The following DPP10 variants were observed in gnomAD, a reference collection of about 807,000 sequenced individuals.
DPP10 encodes the protein inactive dipeptidyl peptidase 10.
DPP10 carries 33 observed loss-of-function variants against 120.9 expected under a neutral mutation model. That is an observed-to-expected ratio of 0.27 (90% confidence interval 0.21 to 0.37). DPP10 has a LOEUF of 0.37. Ranked by LOEUF, DPP10 falls within the 10% of genes least tolerant of loss-of-function variation. The pLI is 1.00. For synonymous variants in DPP10, 337 were observed against 326.1 expected (o/e 1.03, Z -0.36); for missense variants, 816 against 942.8 (o/e 0.87, Z 1.76).
At chr2:115,803,038 G>T (rs1161386533) in intron 19 of DPP10, among the ~76,000 whole-genome samples, 2 of 152,182 alleles carry the variant, frequency 1.3e-5, no homozygotes, top group African/African-American at 4.8e-5. Flanking sequence ...GGCTGTTAAA[G>T]TGTCCCATTA....
chr2:114,815,437 C>T (rs1343381697), intron 1 of DPP10, among the ~76,000 whole-genome samples: 1 of 152,124 alleles, frequency 6.6e-6, no homozygotes, highest in Non-Finnish European at 1.5e-5. Context: ...CTGAAACTTT[C>T]CAGAAACATC....
Position 115,384,706 on chromosome 2 carries a change from GA to G in DPP10, c.271+40797del, listed in dbSNP as rs869137170. ...GAGGAAGAAGAAGAAAAAGAAAGAA[GA>G]AAGAAGAAGAAGAAGAAGAAGAAGA... On this transcript the variant is annotated intron_variant, in intron 3 of 25. Coordinates refer to ENST00000410059, the MANE Select transcript of DPP10 (RefSeq NM_020868.6). Among the ~76,000 whole-genome samples, 652 of 118,404 alleles carry G rather than the reference GA, an allele frequency of 5.5e-3. 4 individuals are homozygous for G. The highest frequency in any genetic ancestry group is 0.024 in the African/African-American group (631 of 25,822). 77.7% of individuals were successfully genotyped at this position (118,404 alleles called of 152,430 possible).
intron 4 of DPP10, among the ~76,000 whole-genome samples, chr2:115,522,093 GT>G (rs2077845986): frequency 6.6e-6 from 1 of 152,036 alleles, no homozygotes; most frequent in Non-Finnish European, 1.5e-5. Context: ...GAAATTATAA[GT>G]TAAATTTTGC....
At chr2:115,296,294 C>T (rs939229183) in intron 1 of DPP10, among the ~76,000 whole-genome samples, 16 of 152,022 alleles carry the variant, frequency 1.1e-4, no homozygotes, top group South Asian at 2.1e-4. Context: ...TGTTACCAGG[C>T]GCAAATTAGT....
intron 3 of DPP10, among the ~76,000 whole-genome samples, chr2:115,446,129 G>A (rs147818708): frequency 1.8e-4 from 28 of 152,352 alleles, no homozygotes; most frequent in Non-Finnish European, 3.2e-4. Flanking sequence ...TTCAGAGGGT[G>A]CAAGCGCCAA....
intron 3 of DPP10, among the ~76,000 whole-genome samples, chr2:115,423,383 A>C (rs1325187209): frequency 6.6e-6 from 1 of 152,166 alleles, no homozygotes; most frequent in Non-Finnish European, 1.5e-5. Context: ...TTATTTAAGG[A>C]AGTAGCATAA....
At chr2:114,725,730 A>G (rs981384938) in intron 1 of DPP10, among the ~76,000 whole-genome samples, 3 of 152,214 alleles carry the variant, frequency 2.0e-5, no homozygotes, top group Admixed American at 6.5e-5. Context: ...TCTTTTACAG[A>G]AGAAGAAACC....
chr2:114,865,363 T>C (rs1376142672), intron 1 of DPP10, among the ~76,000 whole-genome samples: 1 of 152,186 alleles, frequency 6.6e-6, no homozygotes, highest in Non-Finnish European at 1.5e-5. Flanking sequence ...ATTCTTTAAC[T>C]AGAATAAAGA....
At chr2:114,900,522 C>T (rs1445356511) in intron 1 of DPP10, among the ~76,000 whole-genome samples, 1 of 152,158 alleles carries the variant, frequency 6.6e-6, no homozygotes, top group Non-Finnish European at 1.5e-5. Flanking sequence ...TGTGAAGCAG[C>T]TTTGAAGTCT....
At chr2:114,999,699 T>G (rs1876860) in intron 1 of DPP10, among the ~76,000 whole-genome samples, 36,070 of 151,964 alleles carry the variant, frequency 0.24, 5,003 homozygotes, top group Non-Finnish European at 0.3. Context: ...TAAACACAGG[T>G]GCTCCACCCT....
chr2:115,236,305 A>G (rs1285446923), intron 1 of DPP10, among the ~76,000 whole-genome samples: 1 of 152,226 alleles, frequency 6.6e-6, no homozygotes, highest in East Asian at 1.9e-4. Flanking sequence ...TACCATGGAC[A>G]TAGTTGTCAG....
intron 2 of DPP10, among the ~76,000 whole-genome samples, chr2:115,332,422 C>T (rs2062808531): frequency 6.6e-6 from 1 of 152,114 alleles, no homozygotes; most frequent in Admixed American, 6.6e-5. Context: ...ATCTCTGTCT[C>T]CTTCAGTTCT....
At chr2:115,165,511 G>A (rs2105007079) in intron 1 of DPP10, among the ~76,000 whole-genome samples, 2 of 152,284 alleles carry the variant, frequency 1.3e-5, no homozygotes, top group South Asian at 4.1e-4. Context: ...GTAAATCACA[G>A]CTCTGCTAAT....
At chr2:114,551,488 C>T (rs1187330491) in intron 1 of DPP10, among the ~76,000 whole-genome samples, 1 of 152,132 alleles carries the variant, frequency 6.6e-6, no homozygotes, top group Non-Finnish European at 1.5e-5. Context: ...GAAGTGAATT[C>T]CTTTCCCAGG....
intron 1 of DPP10, among the ~76,000 whole-genome samples, chr2:114,725,057 T>G (rs935512126): frequency 2.6e-5 from 4 of 152,162 alleles, no homozygotes; most frequent in African/African-American, 9.7e-5. Flanking sequence ...AAAATTCCTG[T>G]CAAACAACTT....
chr2:115,548,119 T>A (rs1407416181), intron 5 of DPP10, among the ~76,000 whole-genome samples: 2 of 152,190 alleles, frequency 1.3e-5, no homozygotes, highest in African/African-American at 4.8e-5. Context: ...GAAAGCCGTA[T>A]AGAAAATGTG....
At chr2:114,920,985 T>C (rs1695156398) in intron 1 of DPP10, among the ~76,000 whole-genome samples, 1 of 152,146 alleles carries the variant, frequency 6.6e-6, no homozygotes. Flanking sequence ...TATGTGCTCT[T>C]TGTCAAATTT....
intron 5 of DPP10, among the ~76,000 whole-genome samples, chr2:115,652,355 T>G (rs2087861828): frequency 6.6e-6 from 1 of 151,932 alleles, no homozygotes; most frequent in Admixed American, 6.6e-5. Context: ...ATATTGCTTA[T>G]TTCTTCATGT....
At chr2:114,723,291 C>T (rs1701825581) in intron 1 of DPP10, among the ~76,000 whole-genome samples, 1 of 152,126 alleles carries the variant, frequency 6.6e-6, no homozygotes, top group African/African-American at 2.4e-5. Flanking sequence ...AAATGTTTAG[C>T]CTTATCAGTC....
Sources: gnomAD v4.1 joint callset for allele counts (sites outside exome capture counted in the v4.1 genomes callset) on GRCh38, gnomAD v4.1.1 for gene constraint, MANE v1.5 for transcripts, NCBI Gene and HGNC (gene_info 2026-07-23, HGNC 2026-07-21) for gene names.